Variants in VAV3 observed in about 807,000 individuals in gnomAD.
VAV3 encodes the protein guanine nucleotide exchange factor VAV3.
VAV3 carries 94 observed loss-of-function variants against 131.2 expected under a neutral mutation model. The ratio of observed to expected loss-of-function variants is 0.72; its 90% CI spans 0.61 to 0.85. The LOEUF (loss-of-function observed/expected upper bound fraction) is 0.85. Ranked by LOEUF, VAV3 falls within the 40% of genes least tolerant of loss-of-function variation. The probability of loss-of-function intolerance (pLI) is 0.00; values close to 1 mark genes in which losing one functional copy is unlikely to be tolerated. For missense variants in VAV3, 939 were observed against 1,002.7 expected, an observed-to-expected ratio of 0.94 and a Z score of 0.86; for synonymous variants, 349 against 342.0, an observed-to-expected ratio of 1.02 and a Z score of -0.22.
At chr1:107,649,727 C>A (rs1656017110) in intron 19 of VAV3, among the ~76,000 whole-genome samples, 1 of 152,066 alleles carries the variant, frequency 6.6e-6, no homozygotes, top group African/African-American at 2.4e-5. Flanking sequence ...GGGCACTTTG[C>A]AAGAACCTAA....
intron 1 of VAV3, among the ~76,000 whole-genome samples, chr1:107,885,616 C>T (rs1571092580): frequency 6.6e-6 from 1 of 152,210 alleles, no homozygotes; most frequent in East Asian, 1.9e-4. Context: ...CTCTTCAAGC[C>T]TAAGTCTCTT....
rs1253292230 is a variant in VAV3, at chr1:107,766,004, C to A, written c.821+443G>T. Among the ~76,000 whole-genome samples, 5 of 151,954 alleles carry A rather than the reference C, an allele frequency of 3.3e-5. 1 individual carries two copies. Among genetic ancestry groups the A allele is most frequent in the Admixed American group, 2.6e-4 (4 of 15,264 alleles). The stretch of plus-strand genomic sequence containing the variant: ...AACTTAGAAAGGGAAACTGACTCTG[C>A]GAATCTAATACTCCAAAATAGAGTG... On this transcript the variant is annotated intron_variant, in intron 8 of 26. Coordinates refer to ENST00000370056, the MANE Select transcript of VAV3 (RefSeq NM_006113.5).
chr1:107,838,928 T>C (rs889873364), intron 2 of VAV3, among the ~76,000 whole-genome samples: 1 of 152,048 alleles, frequency 6.6e-6, no homozygotes, highest in African/African-American at 2.4e-5. Context: ...ATGGGAACAA[T>C]AGGCACTGAG....
chr1:107,935,968 T>G (rs1673691960), intron 1 of VAV3, among the ~76,000 whole-genome samples: 1 of 152,160 alleles, frequency 6.6e-6, no homozygotes, highest in Admixed American at 6.5e-5. Context: ...TTGAAGAATT[T>G]TGCTTTTCAG....
In VAV3 at chr1:107,884,734, G is replaced by A. The variant is rs571367964; in HGVS notation, c.205-9717C>T. On this transcript the variant is annotated intron_variant, in intron 1 of 26. Transcript: ENST00000370056. ...CAAAGTGCTGGGATTATAAGCATAA[G>A]CATCATGCCTGGCCCAAAAAAAAAT... Among the ~76,000 whole-genome samples the A allele has an allele frequency of 1.3e-4, 20 of 151,758 alleles. No homozygotes were observed. The East Asian group carries it at 3.7e-3, about 28-fold the overall frequency.
At chr1:107,682,991 A>G (rs1398038453) in intron 19 of VAV3, among the ~76,000 whole-genome samples, 1 of 152,212 alleles carries the variant, frequency 6.6e-6, no homozygotes, top group East Asian at 1.9e-4. Flanking sequence ...CAGACAAATA[A>G]TTGGTCTCCG....
Position 107,881,831 on chromosome 1 carries a change from C to A in VAV3, c.205-6814G>T, listed in dbSNP as rs17020245. 5.5e-3 allele frequency among the ~76,000 whole-genome samples: 834 copies of A among 152,222 alleles called. 16 individuals carry two copies. The highest frequency in any genetic ancestry group is 0.035 in the East Asian group (179 of 5,164). On this transcript the variant is annotated intron_variant, in intron 1 of 26. Coordinates refer to ENST00000370056, the MANE Select transcript of VAV3 (RefSeq NM_006113.5). ...GCATGAGTGGCTTTTCAAGGTGCAG[C>A]CTCCTGTTACCACTTTAATGTTAGC...
chr1:107,667,597 T>TAC (rs530296068), intron 19 of VAV3, among the ~76,000 whole-genome samples: 56 of 151,758 alleles, frequency 3.7e-4, no homozygotes, highest in Middle Eastern at 3.4e-3. Flanking sequence ...AGGATTATTA[T>TAC]ACACACACAC....
At chr1:107,660,429 T>C (rs1444157139) in intron 19 of VAV3, among the ~76,000 whole-genome samples, 1 of 152,208 alleles carries the variant, frequency 6.6e-6, no homozygotes, top group African/African-American at 2.4e-5. Context: ...AACTAACTCA[T>C]GTGGCAGCTC....
intron 2 of VAV3, among the ~76,000 whole-genome samples, chr1:107,819,282 G>A (rs562331115): frequency 6.6e-6 from 1 of 152,064 alleles, no homozygotes; most frequent in Non-Finnish European, 1.5e-5. Context: ...TGGGGAGGGA[G>A]AGAAGAAACA....
chr1:107,729,833 A>G (rs1379704701), intron 15 of VAV3, among the ~76,000 whole-genome samples: 1 of 152,256 alleles, frequency 6.6e-6, no homozygotes, highest in African/African-American at 2.4e-5. Context: ...GTTTACCATA[A>G]CAAACGATAA....
chr1:107,788,798 C>T (rs1666146353), intron 2 of VAV3, among the ~76,000 whole-genome samples: 1 of 152,204 alleles, frequency 6.6e-6, no homozygotes, highest in African/African-American at 2.4e-5. Context: ...GTAAAAGAAA[C>T]ACTTTCATTT....
chr1:107,751,675 G>T lies in VAV3; in HGVS notation c.1174-473C>A, dbSNP rs182875266. Among the ~76,000 whole-genome samples, 85 of 151,218 alleles carry T rather than the reference G, an allele frequency of 5.6e-4. No homozygotes were observed. The Middle Eastern group carries it at 0.014, about 25-fold the overall frequency. ...GCCATGAAGGAGTACAGAAAGGGGC[G>T]GGGGGGCGCGCGCTAATTTGGTCTA... On this transcript the variant is annotated intron_variant, in intron 12 of 26. Coordinates refer to ENST00000370056, the MANE Select transcript of VAV3 (RefSeq NM_006113.5).
At chr1:107,874,373 G>A (rs562816161) in intron 2 of VAV3, among the ~76,000 whole-genome samples, 3 of 152,162 alleles carry the variant, frequency 2.0e-5, no homozygotes, top group Admixed American at 1.3e-4. Flanking sequence ...TCAAGCAACA[G>A]AAATTATTCA....
chr1:107,816,599 A>G (rs766823419), intron 2 of VAV3, among the ~76,000 whole-genome samples: 2 of 152,192 alleles, frequency 1.3e-5, no homozygotes, highest in Non-Finnish European at 2.9e-5. Flanking sequence ...ATAGGGGTTC[A>G]TTGGTATTTA....
intron 2 of VAV3, among the ~76,000 whole-genome samples, chr1:107,808,804 G>GT (rs1187646577): frequency 2.0e-5 from 3 of 152,080 alleles, no homozygotes; most frequent in African/African-American, 4.8e-5. Flanking sequence ...AACAAATGAA[G>GT]TTTTTTTCCA....
chr1:107,807,180 A>C (rs1667098303), intron 2 of VAV3, among the ~76,000 whole-genome samples: 1 of 152,132 alleles, frequency 6.6e-6, no homozygotes, highest in Non-Finnish European at 1.5e-5. Context: ...AAATCAGGGT[A>C]CTTCTCTAAG....
At chr1:107,770,485 T>C (rs1664979937) in intron 6 of VAV3, 151 bp downstream of exon 6, 2 of 615,590 alleles carry the variant, frequency 3.2e-6, no homozygotes, top group Non-Finnish European at 5.7e-6. Flanking sequence ...TAAATAGTTG[T>C]AAAATGAATA....
Position 107,575,011 on chromosome 1 carries a change from G to A in VAV3, c.2351-813C>T, listed in dbSNP as rs1476316285. Among the ~76,000 whole-genome samples the A allele has an allele frequency of 1.8e-4, 4 of 22,780 alleles. 1 individual carries two copies. The highest frequency in any genetic ancestry group is 4.4e-3 in the South Asian group (2 of 454). 14.9% of individuals were successfully genotyped at this position (22,780 alleles called of 152,430 possible). On this transcript the variant is annotated intron_variant, in intron 25 of 26. Transcript: ENST00000370056. ...TGTGTGTGCGTGCGTGCGCGCGCGCGCGCGCACACGCGCGCGTGTTTAATA... is the reference window on the plus strand; with the variant it reads ...TGTGTGTGCGTGCGTGCGCGCGCGCACGCGCACACGCGCGCGTGTTTAATA...
Sources: gnomAD v4.1 joint callset for allele counts (sites outside exome capture counted in the v4.1 genomes callset) on GRCh38, gnomAD v4.1.1 for gene constraint, MANE v1.5 for transcripts, NCBI Gene and HGNC (gene_info 2026-07-23, HGNC 2026-07-21) for gene names.